Variants in CHD7 observed in about 807,000 individuals in gnomAD.
CHD7 encodes chromodomain helicase DNA binding protein 7.
Under a neutral mutation model 307.3 loss-of-function variants are expected in CHD7, and 24 were observed. The observed-to-expected ratio is 0.08, with a 90% CI of 0.06 to 0.11. The LOEUF is 0.11. CHD7 is among the 10% of genes least tolerant of loss of function. The probability of loss-of-function intolerance (pLI) is 1.00; values close to 1 mark genes in which losing one functional copy is unlikely to be tolerated. For missense variants in CHD7, 3,106 were observed against 3,727.1 expected (o/e 0.83, Z 4.34); for synonymous variants, 1,363 against 1,349.9 (o/e 1.01, Z -0.21).
intron 26 of CHD7, 67 bp from the exon 27 acceptor site, chr8:60,850,965 A>T: frequency 1.8e-6 from 2 of 1,092,548 alleles, no homozygotes; most frequent in South Asian, 1.5e-5. Flanking sequence ...ACTCTTTCCT[A>T]CCCACCCCCC....
chr8:60,850,715 T>G (rs1360464457), intron 26 of CHD7, 93 bp downstream of exon 26: 14 of 1,312,026 alleles, frequency 1.1e-5, no homozygotes, highest in African/African-American at 1.5e-5. Flanking sequence ...CACACTGTAT[T>G]GTGTCTGATT....
chr8:60,717,583 G>C (rs1807673643), intron 1 of CHD7, among the ~76,000 whole-genome samples: 2 of 152,112 alleles, frequency 1.3e-5, no homozygotes, highest in South Asian at 4.2e-4. Flanking sequence ...GGTGGCATGA[G>C]CTGAAAAGTG....
rs781551719 is a variant in CHD7 at position 60,830,416 on chromosome 8, T to C, written c.3617T>C (p.Ile1206Thr). 3 of 1,614,018 alleles carry C rather than the reference T, an allele frequency of 1.9e-6. No homozygotes were observed. Among genetic ancestry groups the C allele is most frequent in the Admixed American group, 3.3e-5 (2 of 60,030 alleles). The change falls in exon 15 of 38, where the codon ATT (isoleucine) becomes ACT (threonine). Residue 1206 changes from isoleucine (I) to threonine (T), a missense_variant. This residue lies in a region of CHD7 where 232 missense variants were observed against 422.5 expected (regional missense o/e 0.55). Transcript: ENST00000423902. ...KNLAPKEETIIEVELTNIQKK... is the reference protein window; with the variant it reads ...KNLAPKEETITEVELTNIQKK... ...TTGGCCCCCAAAGAAGAAACTATTA[T>C]TGAAGTTGAGCTAACAAACATTCAG...
chr8:60,854,500 T>C lies in CHD7; in HGVS notation c.6913T>C (p.Phe2305Leu), dbSNP rs779378947. 7 of 1,604,154 alleles carry C rather than the reference T, an allele frequency of 4.4e-6. No homozygotes were observed. The South Asian group carries it at 7.8e-5, about 18-fold the overall frequency. Reference sequence around the variant, plus strand: ...AGCTCAGCTCCTTCATGAAAGAACATTTGCCTTCTCGTTTTGGCCTAAGGT... The same window carrying C: ...AGCTCAGCTCCTTCATGAAAGAACACTTGCCTTCTCGTTTTGGCCTAAGGT... ...SVAQLLHERT[F>L]AFSFWPKDRV... Residue 2305 changes from phenylalanine (F) to leucine (L), a missense_variant, in exon 32 of 38, where the codon TTT becomes CTT. Transcript: ENST00000423902.
chr8:60,781,474 C>A, intron 3 of CHD7, 44 bp downstream of exon 3: 1 of 1,485,314 alleles, frequency 6.7e-7, no homozygotes, highest in Non-Finnish European at 8.9e-7. Context: ...ATTGAGAGTA[C>A]AGAAATTAGC....
At chr8:60,772,575 C>G (rs1052928552) in intron 2 of CHD7, among the ~76,000 whole-genome samples, 1 of 152,148 alleles carries the variant, frequency 6.6e-6, no homozygotes, top group African/African-American at 2.4e-5. Flanking sequence ...TGTCCACTGC[C>G]AAATTCAAAC....
Position 60,687,042 on chromosome 8 carries a change from A to G in CHD7, c.-175+7960A>G, listed in dbSNP as rs531979389. 5.3e-5 allele frequency among the ~76,000 whole-genome samples: 8 copies of G among 152,318 alleles called. 1 individual carries two copies. The South Asian group carries it at 1.5e-3, about 28-fold the overall frequency. On this transcript the variant is annotated intron_variant, in intron 1 of 37. Coordinates refer to ENST00000423902, the MANE Select transcript of CHD7 (RefSeq NM_017780.4). ...AGGCTTTTCCTGCCTCAGCCTCCCA[A>G]GTAGCTGGGATTACTGGCATGCACC...
At position 60,741,744 on chromosome 8, in the gene CHD7, G is replaced by T. The variant is rs1356622302; in HGVS notation, c.312G>T (p.Gln104His). The T allele has an allele frequency of 1.9e-6, 3 of 1,613,936 alleles. No individual in the cohort carries two copies. The highest frequency in any genetic ancestry group is 2.5e-6 in the Non-Finnish European group (3 of 1,179,856). ...ACGGACTCGCGTCTCCGCACTCGCA[G>T]TATCACACCCCTCCCGTTCCTCAGG... ...PGNGLASPHS[Q>H]YHTPPVPQVP... The change falls in exon 2 of 38, where the codon CAG (glutamine) becomes CAT (histidine). Residue 104 changes from glutamine to histidine, a missense_variant. Physicochemically the swap from Gln to His is conservative, Grantham distance 24. This residue lies in a region of CHD7 where 998 missense variants were observed against 1,004.5 expected (regional missense o/e 0.99). Coordinates refer to ENST00000423902, the MANE Select transcript of CHD7 (RefSeq NM_017780.4).
chr8:60,792,087 GA>G (rs1811801626), intron 3 of CHD7, among the ~76,000 whole-genome samples: 2 of 152,162 alleles, frequency 1.3e-5, no homozygotes, highest in African/African-American at 4.8e-5. Flanking sequence ...TTATTTTACA[GA>G]TGAGGAAACT....
At chr8:60,710,503 T>C (rs1807236084) in intron 1 of CHD7, among the ~76,000 whole-genome samples, 1 of 152,234 alleles carries the variant, frequency 6.6e-6, no homozygotes, top group South Asian at 2.1e-4. Flanking sequence ...TGCAATTGAT[T>C]TCAGGATTCA....
intron 5 of CHD7, among the ~76,000 whole-genome samples, chr8:60,800,901 C>T (rs1812279773): frequency 6.6e-6 from 1 of 152,060 alleles, no homozygotes; most frequent in African/African-American, 2.4e-5. Flanking sequence ...CTGTGAGAAC[C>T]CCTTTATGAA....
In CHD7 at chr8:60,844,003, C is replaced by G. The variant is rs61491878; in HGVS notation, c.4851-861C>G. Among the ~76,000 whole-genome samples, 1,161 of 152,362 alleles carry G rather than the reference C, an allele frequency of 7.6e-3. 19 individuals carry two copies. Among genetic ancestry groups the G allele is most frequent in the African/African-American group, 0.026 (1,080 of 41,578 alleles). ...GCTGCTCTCTGCTCCAAACACAACT[C>G]TCAGTCTGCAGCAGAGGGGCTGTTC... On this transcript the variant is annotated intron_variant, in intron 21 of 37. Transcript: ENST00000423902.
At chr8:60,809,699 A>T (rs931686250) in intron 7 of CHD7, 2 of 150,228 alleles carry the variant, frequency 1.3e-5, no homozygotes, top group Non-Finnish European at 3.0e-5. Flanking sequence ...AAAAAAGAAA[A>T]AAAAGGTTTT....
intron 1 of CHD7, among the ~76,000 whole-genome samples, chr8:60,683,807 C>G (rs1805748000): frequency 6.6e-6 from 1 of 152,138 alleles, no homozygotes; most frequent in African/African-American, 2.4e-5. Flanking sequence ...TGCTCATGTT[C>G]TGACTCAAAG....
rs776169011 is a variant in CHD7, at chr8:60,856,530, G to A, written c.7250G>A (p.Arg2417Lys). 2 of 1,613,996 alleles carry A rather than the reference G, an allele frequency of 1.2e-6. No individual in the cohort carries two copies. The highest frequency in any genetic ancestry group is 8.5e-7 in the Non-Finnish European group (1 of 1,179,892). The change falls in exon 34 of 38, where the codon AGG (arginine) becomes AAG (lysine). Residue 2417 changes from arginine to lysine, a missense_variant. Arg to Lys is a conservative substitution (Grantham distance 26). Coordinates refer to ENST00000423902, the MANE Select transcript of CHD7 (RefSeq NM_017780.4). ...ATTGAGGCCGAAAGAGCTGCCAAGA[G>A]GCGAAATCTCATGGAGATGGTTGCC... ...IEIEAERAAK[R>K]RNLMEMVAQL...
intron 4 of CHD7, among the ~76,000 whole-genome samples, chr8:60,799,232 T>C (rs1484407446): frequency 6.6e-6 from 1 of 152,198 alleles, no homozygotes; most frequent in Non-Finnish European, 1.5e-5. Flanking sequence ...TATTTTACAA[T>C]TAGTCTTGCA....
chr8:60,798,451 G>A lies in CHD7; in HGVS notation c.2239-1937G>A, dbSNP rs1004043013. On this transcript the variant is annotated intron_variant, in intron 4 of 37. Coordinates refer to ENST00000423902, the MANE Select transcript of CHD7 (RefSeq NM_017780.4). ...ATCTATTTGATGGTCATATTATACC[G>A]AGTTTGTATCGTGAACTGTCTCAAA... 8.5e-5 allele frequency among the ~76,000 whole-genome samples: 13 copies of A among 152,320 alleles called. No individual in the cohort carries two copies. The East Asian group carries it at 1.5e-3, about 18-fold the overall frequency.
At position 60,861,983 on chromosome 8, in the gene CHD7, A is replaced by G. The variant is rs1188862492; in HGVS notation, c.7831-213A>G. On this transcript the variant is annotated intron_variant, in intron 35 of 37. Coordinates refer to ENST00000423902, the MANE Select transcript of CHD7 (RefSeq NM_017780.4). ...TGAGGTTATTGATAGATAAAAGGAAAAGCCAATTCTCACTTATGTATTCCT... is the reference window on the plus strand; with the variant it reads ...TGAGGTTATTGATAGATAAAAGGAAGAGCCAATTCTCACTTATGTATTCCT... 3 of 377,042 alleles carry G rather than the reference A, an allele frequency of 8.0e-6. No homozygotes were observed. The Admixed American group carries it at 1.3e-4, about 16-fold the overall frequency. 23.4% of individuals were successfully genotyped at this position (377,042 alleles called of 1,614,324 possible).
intron 1 of CHD7, among the ~76,000 whole-genome samples, chr8:60,690,830 C>T (rs1026411820): frequency 2.0e-5 from 3 of 152,160 alleles, no homozygotes; most frequent in Non-Finnish European, 2.9e-5. Context: ...AAACCCAGGC[C>T]GTACCTAGCA....
Sources: gnomAD v4.1 joint callset for allele counts (sites outside exome capture counted in the v4.1 genomes callset) on GRCh38, gnomAD v4.1.1 for gene constraint, gnomAD v4.1.1 regional missense constraint, MANE v1.5 for transcripts, NCBI Gene and HGNC (gene_info 2026-07-23, HGNC 2026-07-21) for gene names.